Variants in ROBO2 observed in about 807,000 individuals in gnomAD.
ROBO2 encodes the protein roundabout guidance receptor 2.
Under a neutral mutation model 160.8 loss-of-function variants are expected in ROBO2, and 53 were observed. The ratio of observed to expected loss-of-function variants is 0.33; its 90% CI spans 0.26 to 0.41. The LOEUF is 0.41. Ranked by LOEUF, ROBO2 falls within the 10% of genes least tolerant of loss-of-function variation. The pLI is 1.00. For synonymous variants in ROBO2, 664 were observed against 611.7 expected (o/e 1.09, Z -1.26); for missense variants, 1,577 against 1,722.4 (o/e 0.92, Z 1.49).
intron 2 of ROBO2, among the ~76,000 whole-genome samples, chr3:77,293,094 G>A (rs185156159): frequency 0.016 from 1,902 of 115,492 alleles, 32 homozygotes; most frequent in Middle Eastern, 0.048. Flanking sequence ...AGTAAAATTG[G>A]CGGTTAAACG....
intron 2 of ROBO2, among the ~76,000 whole-genome samples, chr3:76,116,262 G>T (rs1240283655): frequency 2.0e-5 from 3 of 152,114 alleles, no homozygotes; most frequent in African/African-American, 7.2e-5. Context: ...AAAGTGTCAG[G>T]TGCAATGCAA....
intron 16 of ROBO2, among the ~76,000 whole-genome samples, chr3:77,583,867 T>G (rs2153679730): frequency 6.6e-6 from 1 of 152,306 alleles, no homozygotes; most frequent in South Asian, 2.1e-4. Context: ...TTTACATTGG[T>G]TAGTATGGGA....
At chr3:76,766,935 G>A (rs1017273674) in intron 2 of ROBO2, among the ~76,000 whole-genome samples, 1 of 151,436 alleles carries the variant, frequency 6.6e-6, no homozygotes, top group Non-Finnish European at 1.5e-5. Context: ...TACGTGGGTT[G>A]AGAAATGGAA....
intron 2 of ROBO2, among the ~76,000 whole-genome samples, chr3:77,263,540 A>G (rs2058915885): frequency 6.6e-6 from 1 of 152,236 alleles, no homozygotes; most frequent in South Asian, 2.1e-4. Flanking sequence ...TTTGCTAATG[A>G]TAAGAGCCTC....
chr3:76,650,944 C>G (rs2091228822), intron 2 of ROBO2, among the ~76,000 whole-genome samples: 1 of 152,046 alleles, frequency 6.6e-6, no homozygotes, highest in African/African-American at 2.4e-5. Flanking sequence ...GTTAAAAGAC[C>G]TTTGCTAAAC....
chr3:76,183,803 G>A (rs1054166940), intron 2 of ROBO2, among the ~76,000 whole-genome samples: 25 of 152,178 alleles, frequency 1.6e-4, no homozygotes, highest in Non-Finnish European at 1.5e-5. Context: ...AGAGGCTAAT[G>A]TTGCTAAGTT....
At chr3:77,645,659 T>C (rs1051634945) in intron 25 of ROBO2, among the ~76,000 whole-genome samples, 2 of 152,186 alleles carry the variant, frequency 1.3e-5, no homozygotes, top group Non-Finnish European at 2.9e-5. Flanking sequence ...TGTGAGATGA[T>C]GAAAAGAGAA....
At chr3:77,062,618 T>C (rs12487125) in intron 1 of ROBO2, among the ~76,000 whole-genome samples, 9,670 of 152,234 alleles carry the variant, frequency 0.064, 345 homozygotes, top group East Asian at 0.16. Context: ...CCAGAGCTTA[T>C]GAAAAAACAA....
intron 2 of ROBO2, among the ~76,000 whole-genome samples, chr3:76,308,376 C>CAAAA (rs71277580): frequency 0.041 from 3,487 of 84,710 alleles, 171 homozygotes; most frequent in Non-Finnish European, 0.047. Context: ...GACTCTGTCT[C>CAAAA]AAAAAAAAAA....
intron 2 of ROBO2, among the ~76,000 whole-genome samples, chr3:77,326,371 C>G (rs1057030748): frequency 6.6e-6 from 1 of 152,172 alleles, no homozygotes; most frequent in African/African-American, 2.4e-5. Flanking sequence ...TGAATTGTAT[C>G]TCAGTTTACC....
intron 2 of ROBO2, among the ~76,000 whole-genome samples, chr3:76,027,297 C>T (rs2066778348): frequency 6.6e-6 from 1 of 151,858 alleles, no homozygotes; most frequent in Admixed American, 6.6e-5. Flanking sequence ...TATTCTTGTA[C>T]CTCCCAGTCA....
chr3:77,243,010 A>T (rs1030462780), intron 2 of ROBO2, among the ~76,000 whole-genome samples: 2 of 151,240 alleles, frequency 1.3e-5, no homozygotes, highest in Non-Finnish European at 2.9e-5. Flanking sequence ...TGTCTATGAG[A>T]GAGAGAGAGA....
chr3:77,302,936 T>C (rs1021058865), intron 2 of ROBO2, among the ~76,000 whole-genome samples: 2 of 152,146 alleles, frequency 1.3e-5, no homozygotes, highest in East Asian at 1.9e-4. Context: ...AAAATACAAA[T>C]TGAGTAAGGG....
intron 2 of ROBO2, among the ~76,000 whole-genome samples, chr3:76,588,146 G>A (rs2086174245): frequency 2.6e-5 from 4 of 152,140 alleles, no homozygotes; most frequent in Admixed American, 2.6e-4. Flanking sequence ...AGATTACATT[G>A]TCTTTCTCTT....
At chr3:76,731,654 A>T (rs2093639613) in intron 2 of ROBO2, among the ~76,000 whole-genome samples, 1 of 152,170 alleles carries the variant, frequency 6.6e-6, no homozygotes, top group Non-Finnish European at 1.5e-5. Flanking sequence ...AGGCTAATAA[A>T]TGCAGAAACA....
At chr3:76,517,258 AC>A (rs2081387861) in intron 2 of ROBO2, among the ~76,000 whole-genome samples, 1 of 152,180 alleles carries the variant, frequency 6.6e-6, no homozygotes, top group Non-Finnish European at 1.5e-5. Flanking sequence ...AATGAATTTC[AC>A]TTCATTCTGA....
chr3:76,980,906 G>A (rs2060065036), intron 2 of ROBO2, among the ~76,000 whole-genome samples: 1 of 151,822 alleles, frequency 6.6e-6, no homozygotes, highest in African/African-American at 2.4e-5. Context: ...TGTCTTTTCT[G>A]GATATTTTAT....
intron 2 of ROBO2, among the ~76,000 whole-genome samples, chr3:77,468,651 A>C (rs1465368714): frequency 6.6e-6 from 1 of 152,168 alleles, no homozygotes; most frequent in African/African-American, 2.4e-5. Context: ...TCCTGTGTGA[A>C]TTATGTTTGT....
At chr3:76,763,782 A>G (rs1211318885) in intron 2 of ROBO2, among the ~76,000 whole-genome samples, 2 of 151,772 alleles carry the variant, frequency 1.3e-5, no homozygotes, top group Non-Finnish European at 3.0e-5. Context: ...CAGATTCTGC[A>G]TTTCTAACAA....
Sources: allele counts gnomAD v4.1 joint callset (sites outside exome capture counted in the v4.1 genomes callset), GRCh38; gene constraint gnomAD v4.1.1; transcripts MANE v1.5; gene names NCBI Gene and HGNC (gene_info 2026-07-23, HGNC 2026-07-21).